The following PTPN14 variants were observed in gnomAD, a reference collection of about 807,000 sequenced individuals.
PTPN14 encodes the protein protein tyrosine phosphatase non-receptor type 14, also known as tyrosine-protein phosphatase non-receptor type 14.
Under a neutral mutation model 126.8 loss-of-function variants are expected in PTPN14, and 53 were observed. The observed-to-expected ratio is 0.42, with a 90% CI of 0.34 to 0.53. PTPN14 has a LOEUF of 0.53. PTPN14 is among the 20% of genes least tolerant of loss of function. The pLI is 0.08. For synonymous variants in PTPN14, 630 were observed against 599.3 expected (o/e 1.05, Z -0.75); for missense variants, 1,257 against 1,552.9 (o/e 0.81, Z 3.20).
At chr1:214,462,062 C>T (rs4474219) in intron 2 of PTPN14, among the ~76,000 whole-genome samples, 126,073 of 152,100 alleles carry the variant, frequency 0.83, 52,361 homozygotes, top group African/African-American at 0.89. Context: ...ATCTAGAGGA[C>T]TGATTCCCAA....
At chr1:214,441,049 T>C (rs896946272) in intron 3 of PTPN14, among the ~76,000 whole-genome samples, 9 of 152,282 alleles carry the variant, frequency 5.9e-5, no homozygotes, top group Non-Finnish European at 1.2e-4. Flanking sequence ...ATAAAGCCAG[T>C]GAAGAAAGGC....
chr1:214,391,125 G>C, intron 10 of PTPN14, 80 bp from the exon 11 acceptor site: 1,781 of 932,804 alleles, frequency 1.9e-3, no homozygotes, highest in Non-Finnish European at 2.5e-3. Context: ...AGGAGAGGAA[G>C]AGAATAAACA....
In PTPN14 at chr1:214,384,340, G is replaced by A. The variant is rs779067417; in HGVS notation, c.1515C>T (p.Val505=). The change falls in exon 13 of 19, where the codon GTC becomes GTT. Residue 505 remains valine, a synonymous_variant. Transcript: ENST00000366956. The surrounding 1 kb of genome is among the most constrained non-coding windows in gnomAD (Gnocchi z 5.3). ...ATGGACTGACAAGTTTGTTGCTGTA[G>A]ACCCCCTGTGGCCCATAAGGGACAG... ...PYTVPYGPQG[V]YSNKLVSPSD... is the part of the protein sequence containing the mutation. 1.1e-5 allele frequency: 17 copies of A among 1,614,032 alleles called. No homozygotes were observed. The highest frequency in any genetic ancestry group is 1.4e-5 in the Non-Finnish European group (16 of 1,180,040).
chr1:214,487,196 T>C (rs1179486862), intron 1 of PTPN14, among the ~76,000 whole-genome samples: 6 of 152,084 alleles, frequency 3.9e-5, no homozygotes, highest in African/African-American at 4.8e-5. Context: ...AGTTCACATA[T>C]GACTAGAGAA....
intron 11 of PTPN14, among the ~76,000 whole-genome samples, chr1:214,388,243 C>T (rs961610260): frequency 6.6e-6 from 1 of 152,150 alleles, no homozygotes; most frequent in Admixed American, 6.5e-5. Flanking sequence ...TCAAATCAAG[C>T]TCCTCTCTTC....
intron 3 of PTPN14, among the ~76,000 whole-genome samples, chr1:214,447,706 T>TACTCAC (rs1156760309): frequency 6.6e-6 from 1 of 152,174 alleles, no homozygotes; most frequent in Non-Finnish European, 1.5e-5. Flanking sequence ...CATACACACA[T>TACTCAC]ACTCACGCAC....
chr1:214,472,237 T>C (rs1432621460), intron 1 of PTPN14, among the ~76,000 whole-genome samples: 1 of 152,186 alleles, frequency 6.6e-6, no homozygotes, highest in Non-Finnish European at 1.5e-5. Context: ...GGCTTGGTGC[T>C]ATCCTCAGGA....
intron 1 of PTPN14, among the ~76,000 whole-genome samples, chr1:214,520,065 A>AAAAAAAATATATATATATAT: frequency 8.3e-4 from 59 of 71,084 alleles, no homozygotes; most frequent in African/African-American, 1.3e-3. Context: ...AAAAAAAAAA[A>AAAAAAAATATATATATATAT]ATATATATAT....
intron 3 of PTPN14, among the ~76,000 whole-genome samples, chr1:214,437,850 A>C (rs1659954466): frequency 6.6e-6 from 1 of 152,220 alleles, no homozygotes; most frequent in South Asian, 2.1e-4. Flanking sequence ...TACAGCTGAA[A>C]AGACATCAGG....
intron 5 of PTPN14, among the ~76,000 whole-genome samples, chr1:214,410,691 A>G (rs1315774248): frequency 2.0e-5 from 3 of 152,182 alleles, no homozygotes; most frequent in Non-Finnish European, 1.5e-5. Context: ...TTTTCCCAGC[A>G]CCAATTGCTG....
chr1:214,452,015 C>A lies in PTPN14; in HGVS notation c.175-41G>T, dbSNP rs761742795. 5 of 1,578,640 alleles carry A rather than the reference C, an allele frequency of 3.2e-6. No individual in the cohort carries two copies. In the South Asian group the frequency reaches 5.9e-5, roughly 19 times the overall value. On this transcript the variant is annotated intron_variant, in intron 2 of 18. Transcript: ENST00000366956. ...AAATAGCATCAGTTCATGCTCACCA[C>A]AAGCATCCCAAGGCCACACAAGAAA... is the stretch of plus-strand genomic sequence containing the variant.
intron 1 of PTPN14, among the ~76,000 whole-genome samples, chr1:214,538,927 T>C (rs1250199532): frequency 1.3e-5 from 2 of 152,228 alleles, no homozygotes; most frequent in Non-Finnish European, 2.9e-5. Flanking sequence ...CAATGTACTA[T>C]AAAGACATTA....
intron 1 of PTPN14, among the ~76,000 whole-genome samples, chr1:214,508,801 C>T (rs193283742): frequency 1.3e-5 from 2 of 152,322 alleles, no homozygotes; most frequent in African/African-American, 4.8e-5. Context: ...CCATGGGTTG[C>T]TGAATGGATG....
chr1:214,408,937 T>C (rs1571981507), intron 5 of PTPN14, among the ~76,000 whole-genome samples: 1 of 152,134 alleles, frequency 6.6e-6, no homozygotes, highest in Admixed American at 6.5e-5. Flanking sequence ...AGCAGGGAAA[T>C]GTCTTTTTTG....
chr1:214,378,035 T>G lies in PTPN14; in HGVS notation c.2612A>C (p.Asn871Thr), dbSNP rs751417115. The G allele has an allele frequency of 6.2e-7, 1 of 1,613,098 alleles. No individual in the cohort carries two copies. Among genetic ancestry groups the G allele is most frequent in the Non-Finnish European group, 8.5e-7 (1 of 1,179,990 alleles). ...QKRPLMLAAL[N>T]GLSVARVSGR... Reference sequence around the variant, plus strand: ...TGAGACTCGAGCCACCGAGAGCCCATTCAATGCTGCCAACATCAGCGGCCT... The same window carrying G: ...TGAGACTCGAGCCACCGAGAGCCCAGTCAATGCTGCCAACATCAGCGGCCT... Residue 871 changes from asparagine (N) to threonine (T), a missense_variant, in exon 14 of 19, where the codon AAT becomes ACT. By Grantham distance (65) the Asn-to-Thr change is moderately conservative. This residue lies in a region of PTPN14 where 1,021 missense variants were observed against 1,183.3 expected (regional missense o/e 0.86). Transcript: ENST00000366956.
intron 1 of PTPN14, among the ~76,000 whole-genome samples, chr1:214,469,572 G>A (rs1660708605): frequency 6.6e-6 from 1 of 152,018 alleles, no homozygotes; most frequent in African/African-American, 2.4e-5. Context: ...TCATAGAAAG[G>A]TCACAGGTTT....
At chr1:214,433,951 CAAA>C (rs1158472144) in intron 3 of PTPN14, among the ~76,000 whole-genome samples, 5,771 of 98,494 alleles carry the variant, frequency 0.059, 197 homozygotes, top group Non-Finnish European at 0.07. Context: ...CACACACACA[CAAA>C]AAAAAAAAAA....
At chr1:214,502,835 CTG>C (rs1273555829) in intron 1 of PTPN14, among the ~76,000 whole-genome samples, 1 of 152,046 alleles carries the variant, frequency 6.6e-6, no homozygotes, top group African/African-American at 2.4e-5. Context: ...ATAAATGAAA[CTG>C]TGTTATCCTT....
intron 3 of PTPN14, among the ~76,000 whole-genome samples, chr1:214,442,012 G>A (rs533254213): frequency 1.3e-5 from 2 of 152,168 alleles, no homozygotes; most frequent in South Asian, 4.2e-4. Flanking sequence ...AATTCACAAA[G>A]GATAAAAATC....
Sources: gnomAD v4.1 joint callset for allele counts (sites outside exome capture counted in the v4.1 genomes callset) on GRCh38, gnomAD v4.1.1 for gene constraint, gnomAD v4.1.1 regional missense constraint, Gnocchi (gnomAD v3.1) non-coding constraint, MANE v1.5 for transcripts, NCBI Gene and HGNC (gene_info 2026-07-23, HGNC 2026-07-21) for gene names.